ZFAT: variants seen among roughly 807,000 people sequenced by gnomAD.
ZFAT encodes the protein zinc finger protein ZFAT.
A neutral mutation model predicts 117.7 loss-of-function variants in ZFAT; 64 were observed. The observed-to-expected ratio is 0.54, with a 90% CI of 0.44 to 0.67. ZFAT has a LOEUF of 0.67. Among genes scored for constraint, ZFAT ranks in the 30% least tolerant of loss-of-function variants. ZFAT has a pLI of 0.00. For missense variants in ZFAT, 1,433 were observed against 1,584.5 expected (o/e 0.90, Z 1.62); for synonymous variants, 679 against 615.0 (o/e 1.10, Z -1.54).
the ZFAT span, among the ~76,000 whole-genome samples, chr8:134,771,450 G>T: frequency 6.6e-6 from 1 of 152,164 alleles, no homozygotes; most frequent in Non-Finnish European, 1.5e-5. Context: ...GATCTCTAGG[G>T]CAGGGGCAAA....
At chr8:134,595,226 C>A (rs1488062813) in intron 7 of ZFAT, among the ~76,000 whole-genome samples, 3 of 152,190 alleles carry the variant, frequency 2.0e-5, no homozygotes, top group African/African-American at 7.2e-5. Flanking sequence ...GAAAATAATA[C>A]TTACCCTTGG....
chr8:134,807,663 T>C, the ZFAT span, among the ~76,000 whole-genome samples: 1 of 149,772 alleles, frequency 6.7e-6, no homozygotes, highest in African/African-American at 2.5e-5. Flanking sequence ...AGGCAAGAAT[T>C]CACAAACCAC....
At chr8:134,795,002 GAACT>G in the ZFAT span, 1 of 152,022 alleles carries the variant, frequency 6.6e-6, no homozygotes, top group African/African-American at 2.4e-5. Flanking sequence ...TTTTAACAGA[GAACT>G]ATCCAGAAAA....
chr8:134,610,697 T>A, intron 3 of ZFAT, 42 bp from the exon 4 acceptor site: 2 of 1,603,850 alleles, frequency 1.2e-6, no homozygotes, highest in Non-Finnish European at 1.7e-6. Flanking sequence ...TCCTTTTATA[T>A]CAGTGGCAGA....
At chr8:134,636,026 G>C (rs888517021) in intron 3 of ZFAT, among the ~76,000 whole-genome samples, 9 of 152,256 alleles carry the variant, frequency 5.9e-5, no homozygotes, top group Non-Finnish European at 1.0e-4. Context: ...AGTTCTTTAT[G>C]AGAGGGAACA....
upstream of ZFAT, among the ~76,000 whole-genome samples, chr8:134,716,169 GCA>G (rs535979165): frequency 3.0e-5 from 4 of 134,652 alleles, no homozygotes; most frequent in African/African-American, 1.0e-4. Flanking sequence ...ATGTATATAT[GCA>G]CACACACACA....
In ZFAT at chr8:134,478,643, C is replaced by G; in HGVS notation, c.3571G>C (p.Glu1191Gln). 4 of 1,583,906 alleles carry G rather than the reference C, an allele frequency of 2.5e-6. No individual in the cohort carries two copies. Among genetic ancestry groups the G allele is most frequent in the Non-Finnish European group, 3.4e-6 (4 of 1,165,600 alleles). Residue 1191 changes from glutamate (E) to glutamine (Q), a missense_variant, in exon 16 of 16, where the codon GAG becomes CAG. Transcript: ENST00000377838. The surrounding 1 kb of genome is among the most constrained non-coding windows in gnomAD (Gnocchi z 5.2). ...TVQQASVELA[E>Q]QHHLVVSSDD... The stretch of plus-strand genomic sequence containing the variant: ...GAGGACACCACCAGGTGGTGCTGCT[C>G]GGCAAGCTCCACGGACGCTTGCTGG...
chr8:134,802,389 A>G, the ZFAT span, among the ~76,000 whole-genome samples: 1 of 152,220 alleles, frequency 6.6e-6, no homozygotes, highest in Non-Finnish European at 1.5e-5. Context: ...AACATGCTCG[A>G]CGCAATACCA....
the ZFAT span, among the ~76,000 whole-genome samples, chr8:134,830,910 T>C: frequency 6.6e-6 from 1 of 152,202 alleles, no homozygotes; most frequent in African/African-American, 2.4e-5. Flanking sequence ...ACAGGTAGCA[T>C]ACACATACAT....
chr8:134,570,606 T>C (rs1216289845), intron 10 of ZFAT, among the ~76,000 whole-genome samples: 1 of 152,160 alleles, frequency 6.6e-6, no homozygotes, highest in East Asian at 1.9e-4. Flanking sequence ...ATGTCCTCAG[T>C]GCTTGGAGGT....
At chr8:134,561,882 T>TG (rs966951112) in intron 11 of ZFAT, among the ~76,000 whole-genome samples, 20 of 152,072 alleles carry the variant, frequency 1.3e-4, no homozygotes, top group African/African-American at 4.8e-4. Context: ...GGAAGAAAAG[T>TG]GGGGGGGTAT....
chr8:134,489,635 C>A (rs10096590), intron 15 of ZFAT, among the ~76,000 whole-genome samples: 26,576 of 152,138 alleles, frequency 0.17, 2,463 homozygotes, highest in Admixed American at 0.26. Flanking sequence ...CAGCGTTCAG[C>A]CCCAGGAGGG....
chr8:134,625,564 C>T (rs576210074), intron 3 of ZFAT, among the ~76,000 whole-genome samples: 15 of 152,224 alleles, frequency 9.9e-5, no homozygotes, highest in Non-Finnish European at 2.2e-4. Flanking sequence ...ACATCACTGT[C>T]CTCCTCCCCA....
chr8:134,629,010 G>A (rs979227190), intron 3 of ZFAT, among the ~76,000 whole-genome samples: 1 of 152,152 alleles, frequency 6.6e-6, no homozygotes, highest in Non-Finnish European at 1.5e-5. Context: ...AGCATGAATT[G>A]GGGTAAATAG....
At chr8:134,730,302 T>A in the ZFAT span, among the ~76,000 whole-genome samples, 1 of 152,250 alleles carries the variant, frequency 6.6e-6, no homozygotes, top group Non-Finnish European at 1.5e-5. Flanking sequence ...AGCTTGCAGT[T>A]ATCTGCATCA....
intron 1 of ZFAT, among the ~76,000 whole-genome samples, chr8:134,692,118 T>C (rs371671777): frequency 6.6e-6 from 1 of 152,164 alleles, no homozygotes; most frequent in Non-Finnish European, 1.5e-5. Context: ...ATTACAGACG[T>C]AAGCCACCGT....
rs190481557 is a variant in ZFAT at position 134,701,725 on chromosome 8, C to T, written c.19+11120G>A. ...ACCTTGAGATTAGTCCAGGTTGTTG[C>T]CTGCATCACTTTTTCATCCTTTTTC... is the stretch of plus-strand genomic sequence containing the variant. On this transcript the variant is annotated intron_variant, in intron 1 of 15. Coordinates refer to ENST00000377838, the MANE Select transcript of ZFAT (RefSeq NM_020863.4). 1.4e-4 allele frequency among the ~76,000 whole-genome samples: 21 copies of T among 152,304 alleles called. No individual in the cohort carries two copies. In the South Asian group the frequency reaches 3.1e-3, roughly 23 times the overall value.
chr8:134,621,285 T>C (rs1196229882), intron 3 of ZFAT, among the ~76,000 whole-genome samples: 2 of 151,908 alleles, frequency 1.3e-5, no homozygotes, highest in African/African-American at 4.8e-5. Context: ...AACAGTAGTC[T>C]ATGCCTGTCT....
At chr8:134,530,913 G>A (rs894977557) in intron 12 of ZFAT, among the ~76,000 whole-genome samples, 3 of 152,048 alleles carry the variant, frequency 2.0e-5, no homozygotes, top group African/African-American at 2.4e-5. Flanking sequence ...CAAACACCAC[G>A]CCATTTTATA....
Sources: allele counts gnomAD v4.1 joint callset (sites outside exome capture counted in the v4.1 genomes callset), GRCh38; gene constraint gnomAD v4.1.1; non-coding constraint Gnocchi (gnomAD v3.1); transcripts MANE v1.5; gene names NCBI Gene and HGNC (gene_info 2026-07-23, HGNC 2026-07-21).